ATG5: variants seen among roughly 807,000 people sequenced by gnomAD.
ATG5 encodes the protein autophagy related 5.
In ATG5, 14 loss-of-function variants were observed where a neutral mutation model predicts 36.5. The observed-to-expected ratio is 0.38, with a 90% CI of 0.25 to 0.60. ATG5 has a LOEUF of 0.60. ATG5 is among the 20% of genes least tolerant of loss of function. ATG5 has a pLI of 0.60. For synonymous variants in ATG5, 95 were observed against 101.5 expected (o/e 0.94, Z 0.38); for missense variants, 195 against 326.7 (o/e 0.60, Z 3.11).
At chr6:106,236,501 T>C (rs1264102535) in intron 6 of ATG5, among the ~76,000 whole-genome samples, 2 of 152,226 alleles carry the variant, frequency 1.3e-5, no homozygotes, top group African/African-American at 4.8e-5. Context: ...TTTGTTAATC[T>C]TTTTAGTACT....
At chr6:106,213,690 A>AC (rs1443903613) in intron 6 of ATG5, among the ~76,000 whole-genome samples, 1 of 152,170 alleles carries the variant, frequency 6.6e-6, no homozygotes, top group East Asian at 1.9e-4. Context: ...GGAAATAACA[A>AC]AGGTTTGGTT....
intron 5 of ATG5, among the ~76,000 whole-genome samples, chr6:106,252,273 A>G (rs12524358): frequency 0.075 from 11,443 of 152,200 alleles, 731 homozygotes; most frequent in Admixed American, 0.22. Context: ...TCTTTTTATA[A>G]AACTTAACAT....
At chr6:106,222,431 G>A (rs1426896517) in intron 6 of ATG5, among the ~76,000 whole-genome samples, 1 of 152,116 alleles carries the variant, frequency 6.6e-6, no homozygotes, top group Non-Finnish European at 1.5e-5. Context: ...ATAACTTTCT[G>A]TAAAATTCCA....
At chr6:106,313,206 T>TGTGGGATGC (rs1399803189) in intron 2 of ATG5, among the ~76,000 whole-genome samples, 2 of 152,030 alleles carry the variant, frequency 1.3e-5, no homozygotes, top group African/African-American at 4.8e-5. Context: ...GAAGTAAATG[T>TGTGGGATGC]GTGGGATGCA....
At chr6:106,294,168 G>C (rs962416214) in intron 3 of ATG5, among the ~76,000 whole-genome samples, 1 of 151,878 alleles carries the variant, frequency 6.6e-6, no homozygotes, top group Non-Finnish European at 1.5e-5. Context: ...CTCACAACAA[G>C]GGCAAAAAGA....
chr6:106,250,663 A>T (rs1187471604), intron 5 of ATG5, among the ~76,000 whole-genome samples: 4 of 152,258 alleles, frequency 2.6e-5, no homozygotes, highest in African/African-American at 9.6e-5. Flanking sequence ...ATGATTCTTC[A>T]TGCATACTTA....
chr6:106,190,188 G>A (rs1775919361), intron 7 of ATG5, among the ~76,000 whole-genome samples: 1 of 152,080 alleles, frequency 6.6e-6, no homozygotes, highest in Non-Finnish European at 1.5e-5. Context: ...TGCTATAATT[G>A]GATAATTTAT....
intron 6 of ATG5, among the ~76,000 whole-genome samples, chr6:106,202,793 C>G (rs1351238095): frequency 2.6e-5 from 4 of 152,144 alleles, no homozygotes; most frequent in Non-Finnish European, 5.9e-5. Context: ...TCCCAAGTAG[C>G]TGGGACTACA....
intron 3 of ATG5, among the ~76,000 whole-genome samples, chr6:106,306,920 CAG>C (rs1207310069): frequency 6.6e-6 from 1 of 152,262 alleles, no homozygotes; most frequent in East Asian, 1.9e-4. Flanking sequence ...CAAGAAGAAT[CAG>C]AGGAGTCTGA....
At chr6:106,271,914 G>A (rs1582637802) in intron 5 of ATG5, among the ~76,000 whole-genome samples, 1 of 152,202 alleles carries the variant, frequency 6.6e-6, no homozygotes, top group East Asian at 1.9e-4. Flanking sequence ...CCACTTTAGT[G>A]CCTTTGCTCT....
At chr6:106,216,771 G>C (rs1259067642) in intron 6 of ATG5, among the ~76,000 whole-genome samples, 1 of 152,144 alleles carries the variant, frequency 6.6e-6, no homozygotes, top group Admixed American at 6.6e-5. Flanking sequence ...CTAGCTACTT[G>C]GGAAGCTGAG....
intron 5 of ATG5, among the ~76,000 whole-genome samples, chr6:106,276,705 ACTGT>A (rs1336890668): frequency 1.3e-5 from 2 of 152,168 alleles, no homozygotes; most frequent in Admixed American, 6.5e-5. Flanking sequence ...CACCTACTTA[ACTGT>A]CTAATTAAAT....
chr6:106,308,885 G>A (rs1368978899), intron 2 of ATG5, among the ~76,000 whole-genome samples: 2 of 152,070 alleles, frequency 1.3e-5, no homozygotes, highest in Non-Finnish European at 2.9e-5. Context: ...ATCAACTCAA[G>A]TTCTAAAGTA....
intron 3 of ATG5, among the ~76,000 whole-genome samples, chr6:106,299,203 T>C (rs763241887): frequency 2.0e-5 from 3 of 152,220 alleles, no homozygotes; most frequent in Non-Finnish European, 4.4e-5. Context: ...TTATATTAAA[T>C]GGCATAGTAT....
chr6:106,191,793 T>A (rs967558851), intron 7 of ATG5, among the ~76,000 whole-genome samples: 3 of 152,126 alleles, frequency 2.0e-5, no homozygotes, highest in African/African-American at 7.2e-5. Flanking sequence ...AAAAAGGTCA[T>A]GATTTAGTAA....
intron 3 of ATG5, among the ~76,000 whole-genome samples, chr6:106,296,268 T>C (rs1285475733): frequency 6.6e-6 from 1 of 152,154 alleles, no homozygotes; most frequent in Non-Finnish European, 1.5e-5. Context: ...ATGGAGCTAC[T>C]GGACACTTTT....
At chr6:106,237,324 C>T (rs1247327500) in intron 6 of ATG5, among the ~76,000 whole-genome samples, 1 of 152,092 alleles carries the variant, frequency 6.6e-6, no homozygotes, top group Non-Finnish European at 1.5e-5. Context: ...TTAACTGAAC[C>T]AAACTATGCC....
intron 6 of ATG5, among the ~76,000 whole-genome samples, chr6:106,228,286 GC>G (rs1476686371): frequency 6.6e-6 from 1 of 152,144 alleles, no homozygotes; most frequent in Non-Finnish European, 1.5e-5. Context: ...GCCATCGCAG[GC>G]CTGCCACTGA....
Position 106,217,369 on chromosome 6 carries a change from C to T in ATG5, c.574-15280G>A, listed in dbSNP as rs145034654. 262 of 152,216 alleles carry T rather than the reference C, an allele frequency of 1.7e-3. 1 individual carries two copies. The highest frequency in any genetic ancestry group is 5.8e-3 in the African/African-American group (241 of 41,546). The allele number at this position is 152,216 out of a possible 1,614,324, so 9.4% of individuals were successfully genotyped here. A position where few individuals can be genotyped will look rare whatever the true frequency, so the allele number is the denominator to read the frequency against. On this transcript the variant is annotated intron_variant, in intron 6 of 7. Transcript: ENST00000369076. The stretch of plus-strand genomic sequence containing the variant: ...CAATATGCTAGTTTAAAAAGGTTTA[C>T]TAAAATACATAATTTCATTATAAGG...
Sources: allele counts gnomAD v4.1 joint callset (sites outside exome capture counted in the v4.1 genomes callset), GRCh38; gene constraint gnomAD v4.1.1; transcripts MANE v1.5; gene names NCBI Gene and HGNC (gene_info 2026-07-23, HGNC 2026-07-21).